RPS6KC1: variants seen among roughly 807,000 people sequenced by gnomAD.
RPS6KC1 encodes the protein inactive ribosomal protein S6 kinase delta-1.
In RPS6KC1, 54 loss-of-function variants were observed where a neutral mutation model predicts 103.8. That is an observed-to-expected ratio of 0.52 (90% CI 0.42 to 0.65). The LOEUF (loss-of-function observed/expected upper bound fraction) is 0.65. RPS6KC1 is among the 30% of genes least tolerant of loss of function. The pLI is 0.00. For missense variants in RPS6KC1, 1,151 were observed against 1,253.8 expected, an observed-to-expected ratio of 0.92 and a Z score of 1.24; for synonymous variants, 439 against 438.7, an observed-to-expected ratio of 1.00 and a Z score of -0.01.
chr1:213,836,850 A>G, the RPS6KC1 span, among the ~76,000 whole-genome samples: 9 of 152,212 alleles, frequency 5.9e-5, no homozygotes, highest in African/African-American at 9.6e-5. Flanking sequence ...TTTCAAAAAC[A>G]CTGCCCTCAG....
chr1:213,839,362 G>A, the RPS6KC1 span, among the ~76,000 whole-genome samples: 1 of 152,150 alleles, frequency 6.6e-6, no homozygotes, highest in Non-Finnish European at 1.5e-5. Context: ...CTGGGGCAAG[G>A]CTAGGATTGT....
the RPS6KC1 span, among the ~76,000 whole-genome samples, chr1:213,394,945 C>T: frequency 6.6e-6 from 1 of 152,214 alleles, no homozygotes; most frequent in African/African-American, 2.4e-5. Context: ...TGCAGTGGCA[C>T]TGTGGAACTT....
At chr1:213,379,433 C>T in the RPS6KC1 span, among the ~76,000 whole-genome samples, 1 of 152,128 alleles carries the variant, frequency 6.6e-6, no homozygotes, top group Non-Finnish European at 1.5e-5. Context: ...GATGTGACTA[C>T]AAGCCAAGGA....
chr1:213,714,779 C>T, the RPS6KC1 span, among the ~76,000 whole-genome samples: 2 of 152,236 alleles, frequency 1.3e-5, no homozygotes, highest in Admixed American at 1.3e-4. Context: ...TCCTGTATTC[C>T]TCCATTCAAC....
the RPS6KC1 span, among the ~76,000 whole-genome samples, chr1:213,701,829 AG>A: frequency 6.6e-6 from 1 of 151,818 alleles, no homozygotes; most frequent in Admixed American, 6.6e-5. Context: ...GTCTGACTAA[AG>A]GTCTGTCAAT....
At chr1:213,571,478 C>G in the RPS6KC1 span, among the ~76,000 whole-genome samples, 4 of 152,138 alleles carry the variant, frequency 2.6e-5, no homozygotes, top group Non-Finnish European at 4.4e-5. Context: ...TTTTCTGGGT[C>G]AAGCACATGG....
chr1:213,606,057 C>T, the RPS6KC1 span, among the ~76,000 whole-genome samples: 1 of 152,158 alleles, frequency 6.6e-6, no homozygotes, highest in African/African-American at 2.4e-5. Flanking sequence ...GGCAGCGCCC[C>T]TTCTGAGACA....
the RPS6KC1 span, among the ~76,000 whole-genome samples, chr1:213,736,364 A>C: frequency 6.6e-6 from 1 of 152,102 alleles, no homozygotes; most frequent in African/African-American, 2.4e-5. Flanking sequence ...GGCAGAATTC[A>C]TTTCCTTGTG....
At chr1:213,646,962 A>G in the RPS6KC1 span, among the ~76,000 whole-genome samples, 2 of 151,914 alleles carry the variant, frequency 1.3e-5, no homozygotes, top group Admixed American at 6.6e-5. Context: ...CAGTAGCATG[A>G]TCTGAGCTCA....
the RPS6KC1 span, among the ~76,000 whole-genome samples, chr1:213,624,044 A>T: frequency 9.2e-5 from 14 of 152,156 alleles, no homozygotes; most frequent in African/African-American, 3.1e-4. Flanking sequence ...TTCACTGGAG[A>T]CTTCATTACA....
the RPS6KC1 span, among the ~76,000 whole-genome samples, chr1:213,485,915 A>G: frequency 6.6e-6 from 1 of 152,238 alleles, no homozygotes; most frequent in South Asian, 2.1e-4. Context: ...TGTCATTTAC[A>G]AAAAGAGAGC....
At chr1:213,577,651 T>C in the RPS6KC1 span, among the ~76,000 whole-genome samples, 1 of 152,184 alleles carries the variant, frequency 6.6e-6, no homozygotes, top group Admixed American at 6.5e-5. Context: ...TGGTGACATT[T>C]TGCCCCTGTT....
chr1:213,207,354 G>C (rs2093378608), intron 8 of RPS6KC1, among the ~76,000 whole-genome samples: 1 of 152,130 alleles, frequency 6.6e-6, no homozygotes, highest in African/African-American at 2.4e-5. Flanking sequence ...ACTAACTCAG[G>C]AAAAGAGACT....
chr1:213,130,392 G>C (rs1333434575), intron 6 of RPS6KC1, among the ~76,000 whole-genome samples: 1 of 152,168 alleles, frequency 6.6e-6, no homozygotes, highest in African/African-American at 2.4e-5. Context: ...GACTGTAACT[G>C]AATGTCTGTA....
intron 3 of RPS6KC1, among the ~76,000 whole-genome samples, chr1:213,087,208 C>T (rs1260579384): frequency 6.6e-6 from 1 of 152,134 alleles, no homozygotes; most frequent in Non-Finnish European, 1.5e-5. Flanking sequence ...GTATAGACTT[C>T]ATGTGAGTTT....
the RPS6KC1 span, among the ~76,000 whole-genome samples, chr1:213,687,266 T>TATA: frequency 6.6e-6 from 1 of 152,176 alleles, no homozygotes; most frequent in Non-Finnish European, 1.5e-5. Context: ...CGCTCTGGTT[T>TATA]GAATGCCTCT....
chr1:213,485,887 A>T, the RPS6KC1 span, among the ~76,000 whole-genome samples: 2 of 152,328 alleles, frequency 1.3e-5, no homozygotes, highest in Non-Finnish European at 2.9e-5. Flanking sequence ...GAAGAAAAAA[A>T]TGTGTGGCAG....
At chr1:213,596,623 T>C in the RPS6KC1 span, among the ~76,000 whole-genome samples, 6 of 152,248 alleles carry the variant, frequency 3.9e-5, no homozygotes, top group African/African-American at 1.4e-4. Flanking sequence ...CCACCACTCC[T>C]GGTTTGATCT....
the RPS6KC1 span, among the ~76,000 whole-genome samples, chr1:213,470,076 C>T: frequency 2.6e-5 from 4 of 152,170 alleles, no homozygotes; most frequent in African/African-American, 9.7e-5. Flanking sequence ...CAAACAATTT[C>T]TTATTGTTAT....
Sources: gnomAD v4.1 joint callset for allele counts (sites outside exome capture counted in the v4.1 genomes callset) on GRCh38, gnomAD v4.1.1 for gene constraint, MANE v1.5 for transcripts, NCBI Gene and HGNC (gene_info 2026-07-23, HGNC 2026-07-21) for gene names.